The following ARHGAP24 variants were observed in gnomAD, a reference collection of about 807,000 sequenced individuals.
ARHGAP24 encodes Rho GTPase activating protein 24.
Under a neutral mutation model 76.4 loss-of-function variants are expected in ARHGAP24, and 50 were observed. That is an observed-to-expected ratio of 0.65 (90% CI 0.52 to 0.83). ARHGAP24 has a LOEUF of 0.83. Ranked by LOEUF, ARHGAP24 falls within the 40% of genes least tolerant of loss-of-function variation. ARHGAP24 has a pLI of 0.00. For missense variants in ARHGAP24, 930 were observed against 914.2 expected, an observed-to-expected ratio of 1.02 and a Z score of -0.22; for synonymous variants, 345 against 323.3, an observed-to-expected ratio of 1.07 and a Z score of -0.72.
chr4:85,832,671 G>A (rs561697954), intron 3 of ARHGAP24, among the ~76,000 whole-genome samples: 7 of 152,328 alleles, frequency 4.6e-5, no homozygotes, highest in Admixed American at 3.9e-4. Context: ...GAGTCAATAA[G>A]AAGTAGTAGG....
intron 3 of ARHGAP24, 122 bp from the exon 4 acceptor site, chr4:85,923,526 A>G (rs998484950): frequency 1.5e-6 from 2 of 1,368,512 alleles, no homozygotes; most frequent in African/African-American, 1.4e-5. Context: ...ATATTTCATC[A>G]TTGGGTAGAA....
intron 1 of ARHGAP24, among the ~76,000 whole-genome samples, chr4:85,516,031 A>G (rs1341428901): frequency 1.3e-5 from 2 of 152,122 alleles, no homozygotes; most frequent in African/African-American, 4.8e-5. Flanking sequence ...AGAAAAAAAA[A>G]ATTCCCAGCC....
chr4:85,882,777 A>G (rs116723193), intron 3 of ARHGAP24, among the ~76,000 whole-genome samples: 1 of 152,340 alleles, frequency 6.6e-6, no homozygotes, highest in African/African-American at 2.4e-5. Flanking sequence ...GTGTCAATGT[A>G]TAACTATCTA....
At chr4:85,864,100 T>C (rs2110180645) in intron 3 of ARHGAP24, among the ~76,000 whole-genome samples, 1 of 152,212 alleles carries the variant, frequency 6.6e-6, no homozygotes, top group Non-Finnish European at 1.5e-5. Context: ...ACCATACACA[T>C]GACTGGCAGA....
At chr4:85,673,532 G>A (rs1016998765) in intron 2 of ARHGAP24, among the ~76,000 whole-genome samples, 3 of 151,482 alleles carry the variant, frequency 2.0e-5, no homozygotes, top group African/African-American at 7.3e-5. Flanking sequence ...TCTATTCTGT[G>A]CATGCAGTTT....
At chr4:85,933,523 G>C (rs72976257) in intron 4 of ARHGAP24, among the ~76,000 whole-genome samples, 4,067 of 152,134 alleles carry the variant, frequency 0.027, 146 homozygotes, top group African/African-American at 0.071. Context: ...ACTAATTAAG[G>C]TCACTGAAAA....
intron 4 of ARHGAP24, 21 bp downstream of exon 4, chr4:85,923,791 T>C (rs369016616): frequency 2.5e-6 from 4 of 1,613,700 alleles, no homozygotes; most frequent in African/African-American, 1.3e-5. Flanking sequence ...TTTAAAATCA[T>C]GGAAAAACAG....
chr4:85,570,384 TTCTTTCTTTC>T, intron 1 of ARHGAP24, 128 bp from the exon 2 acceptor site: 1 of 17,668 alleles, frequency 5.7e-5, no homozygotes, highest in Non-Finnish European at 1.1e-4. Flanking sequence ...CTTTCTTTCT[TTCTTTCTTTC>T]TTTCTTTCTT....
intron 1 of ARHGAP24, among the ~76,000 whole-genome samples, chr4:85,482,346 T>C (rs1722848220): frequency 6.6e-6 from 1 of 152,214 alleles, no homozygotes; most frequent in African/African-American, 2.4e-5. Flanking sequence ...GGAGACTTCA[T>C]TTATTGGTGA....
chr4:85,987,186 C>T (rs867774612), intron 8 of ARHGAP24, among the ~76,000 whole-genome samples: 1 of 151,938 alleles, frequency 6.6e-6, no homozygotes, highest in African/African-American at 2.4e-5. Context: ...AAAGGGGAAA[C>T]TGTGTTTAAA....
chr4:85,685,505 C>T (rs372290049), intron 2 of ARHGAP24, among the ~76,000 whole-genome samples: 7 of 151,952 alleles, frequency 4.6e-5, no homozygotes, highest in African/African-American at 7.3e-5. Flanking sequence ...TAGTGGCAGG[C>T]GCCTGTAGTC....
At position 85,772,543 on chromosome 4, in the gene ARHGAP24, A is replaced by G. The variant is rs114136430; in HGVS notation, c.268+50571A>G. On this transcript the variant is annotated intron_variant, in intron 3 of 9. Coordinates refer to ENST00000395184, the MANE Select transcript of ARHGAP24 (RefSeq NM_001025616.3). ...CAAACTCCATGTAGCTCAAAACTCA[A>G]TATTTGACTTGATGGAACTAGGGTA... Among the ~76,000 whole-genome samples the G allele has an allele frequency of 2.7e-3, 417 of 152,306 alleles. 2 individuals carry two copies. The highest frequency in any genetic ancestry group is 9.7e-3 in the African/African-American group (402 of 41,558).
intron 3 of ARHGAP24, among the ~76,000 whole-genome samples, chr4:85,785,307 A>C (rs1727780436): frequency 2.0e-5 from 3 of 152,202 alleles, no homozygotes; most frequent in Admixed American, 6.5e-5. Context: ...TATCTTAAAG[A>C]GACTGCTTTA....
chr4:85,977,482 T>C (rs1024163540), intron 7 of ARHGAP24, 88 bp from the exon 8 acceptor site: 1 of 1,443,396 alleles, frequency 6.9e-7, no homozygotes, highest in African/African-American at 1.4e-5. Context: ...GAACATAACT[T>C]TAGTTTGTAA....
At chr4:85,729,535 G>C (rs1725311515) in intron 3 of ARHGAP24, among the ~76,000 whole-genome samples, 1 of 152,146 alleles carries the variant, frequency 6.6e-6, no homozygotes, top group Non-Finnish European at 1.5e-5. Context: ...CGATCCTCCT[G>C]TGAAGTGTCC....
At chr4:85,565,806 G>A (rs1374201771) in intron 1 of ARHGAP24, among the ~76,000 whole-genome samples, 1 of 151,972 alleles carries the variant, frequency 6.6e-6, no homozygotes, top group Non-Finnish European at 1.5e-5. Context: ...TTGTTTATAC[G>A]CATGCTTATA....
chr4:85,933,167 C>T (rs1486531496), intron 4 of ARHGAP24, among the ~76,000 whole-genome samples: 1 of 152,072 alleles, frequency 6.6e-6, no homozygotes, highest in African/African-American at 2.4e-5. Flanking sequence ...AGAACATCAG[C>T]TTAAGTCATT....
chr4:85,827,861 T>G, intron 3 of ARHGAP24: 3 of 1,266,202 alleles, frequency 2.4e-6, no homozygotes, highest in Admixed American at 2.3e-5. Flanking sequence ...CAGTAGGACC[T>G]GAGTTGGGCT....
At chr4:85,965,571 A>G (rs1287176750) in intron 5 of ARHGAP24, among the ~76,000 whole-genome samples, 3 of 148,204 alleles carry the variant, frequency 2.0e-5, no homozygotes, top group Admixed American at 6.8e-5. Context: ...ACACATTGGA[A>G]CTCCCTCCTT....
Sources: gnomAD v4.1 joint callset for allele counts (sites outside exome capture counted in the v4.1 genomes callset) on GRCh38, gnomAD v4.1.1 for gene constraint, MANE v1.5 for transcripts, NCBI Gene and HGNC (gene_info 2026-07-23, HGNC 2026-07-21) for gene names.